The following MAP3K2 variants were observed in gnomAD, a reference collection of about 807,000 sequenced individuals.
The protein encoded by MAP3K2 is mitogen-activated protein kinase kinase kinase 2.
A neutral mutation model predicts 80.3 loss-of-function variants in MAP3K2; 24 were observed. The ratio of observed to expected loss-of-function variants is 0.30; its 90% CI spans 0.22 to 0.42. The LOEUF (loss-of-function observed/expected upper bound fraction) is 0.42, where lower values mean the gene tolerates loss of function less well. MAP3K2 is among the 10% of genes least tolerant of loss of function. The pLI is 1.00. For missense variants in MAP3K2, 608 were observed against 750.1 expected, an observed-to-expected ratio of 0.81 and a Z score of 2.21; for synonymous variants, 244 against 253.7, an observed-to-expected ratio of 0.96 and a Z score of 0.36.
In MAP3K2 at chr2:127,307,308, A is replaced by G. The variant is rs530287683; in HGVS notation, c.*271T>C. ...GTACTAAAAAGAGTGACTATGTACT[A>G]AAGTGCTTTATCTCTCTGAACCACA... On this transcript the variant is annotated 3_prime_UTR_variant, in exon 17 of 17. Coordinates refer to ENST00000682094, the MANE Select transcript of MAP3K2 (RefSeq NM_001371910.2). The surrounding 1 kb of genome is among the most constrained non-coding windows in gnomAD (Gnocchi z 5.4). 12 of 209,788 alleles carry G rather than the reference A, an allele frequency of 5.7e-5. No individual in the cohort carries two copies. In the East Asian group the frequency reaches 1.1e-3, roughly 20 times the overall value. 13.0% of individuals were successfully genotyped at this position (209,788 alleles called of 1,614,324 possible). A position where few individuals can be genotyped will look rare whatever the true frequency, so the allele number is the denominator to read the frequency against.
rs1406122210 is a variant in MAP3K2, at chr2:127,310,774, T to C, written c.1457-2012A>G. On this transcript the variant is annotated intron_variant, in intron 15 of 16. Transcript: ENST00000682094. The surrounding 1 kb of genome is among the most constrained non-coding windows in gnomAD (Gnocchi z 4.8). ...GGATTATAAATCTAGTTTCCGTCTT[T>C]TATAAATCATTTCTCTTCTCATTTT... Among the ~76,000 whole-genome samples, 3 of 152,154 alleles carry C rather than the reference T, an allele frequency of 2.0e-5. No individual in the cohort carries two copies. Among genetic ancestry groups the C allele is most frequent in the East Asian group, 3.8e-4 (2 of 5,202 alleles).
chr2:127,338,093 T>C (rs1686407576), intron 3 of MAP3K2, among the ~76,000 whole-genome samples: 2 of 152,212 alleles, frequency 1.3e-5, no homozygotes, highest in African/African-American at 4.8e-5. Flanking sequence ...TGTGTCATGC[T>C]GAGTATCCAA....
chr2:127,332,382 AAAC>A (rs970872979), intron 5 of MAP3K2, among the ~76,000 whole-genome samples: 52 of 152,220 alleles, frequency 3.4e-4, no homozygotes, highest in African/African-American at 1.2e-3. Flanking sequence ...TTTTGGGGGA[AAAC>A]AACACTAAGT....
At chr2:127,314,220 G>T (rs1194850430) in intron 15 of MAP3K2, among the ~76,000 whole-genome samples, 1 of 152,032 alleles carries the variant, frequency 6.6e-6, no homozygotes, top group Non-Finnish European at 1.5e-5. Context: ...CTCAGTTTGG[G>T]GCTCTTTTCT....
intron 1 of MAP3K2, among the ~76,000 whole-genome samples, chr2:127,351,888 CTTTTTT>C (rs1361459390): frequency 6.8e-6 from 1 of 146,988 alleles, no homozygotes; most frequent in Non-Finnish European, 1.5e-5. Flanking sequence ...TTTTTTTTTT[CTTTTTT>C]GAGACAGGGT....
At position 127,324,171 on chromosome 2, in the gene MAP3K2, A is replaced by AAG. The variant is rs1449458076; in HGVS notation, c.745+2_745+3insCT. On this transcript the variant is annotated splice_region_variant and intron_variant, in intron 10 of 16. Transcript: ENST00000682094. ...TAAACATTTAGAATTTATAAAGTCT[A>AAG]ACCTGAAAATTCCTGATGATTATCT... is the stretch of plus-strand genomic sequence containing the variant. 7.8e-6 allele frequency: 12 copies of AAG among 1,537,048 alleles called. No individual in the cohort carries two copies. Among genetic ancestry groups the AAG allele is most frequent in the Non-Finnish European group, 1.1e-5 (12 of 1,139,108 alleles).
At chr2:127,328,982 CAAT>C (rs1686197740) in intron 7 of MAP3K2, among the ~76,000 whole-genome samples, 1 of 152,068 alleles carries the variant, frequency 6.6e-6, no homozygotes, top group African/African-American at 2.4e-5. Flanking sequence ...TTTTTTGAAA[CAAT>C]GTTAATGCTT....
At chr2:127,388,168 G>A, upstream of MAP3K2, 1 of 984,986 alleles carries the variant, frequency 1.0e-6, no homozygotes. Context: ...CCCAGTCCTG[G>A]CTCCGCCCCG....
rs551066996 is a variant in MAP3K2, at chr2:127,343,318, T to A, written c.-65-124A>T. 182 of 514,694 alleles carry A rather than the reference T, an allele frequency of 3.5e-4. 5 individuals are homozygous for A. The South Asian group carries it at 5.0e-3, about 14-fold the overall frequency. The allele number at this position is 514,694 out of a possible 1,614,324, so 31.9% of individuals were successfully genotyped here. A position where few individuals can be genotyped will look rare whatever the true frequency, so the allele number is the denominator to read the frequency against. ...TATACAATATGAATACTTTACACAT[T>A]TCGCTAGGGGGAGGTGTTTTATATT... On this transcript the variant is annotated intron_variant, in intron 1 of 16. Transcript: ENST00000682094.
chr2:127,337,394 C>T (rs1436661743), intron 4 of MAP3K2, among the ~76,000 whole-genome samples: 2 of 152,008 alleles, frequency 1.3e-5, no homozygotes, highest in Non-Finnish European at 2.9e-5. Context: ...TATATAAATG[C>T]TATATAGTAT....
chr2:127,342,647 C>A (rs1355672515), intron 2 of MAP3K2, among the ~76,000 whole-genome samples: 1 of 147,978 alleles, frequency 6.8e-6, no homozygotes, highest in Non-Finnish European at 1.5e-5. Context: ...ACCCTTAACA[C>A]AAAGGAGAAA....
intron 1 of MAP3K2, among the ~76,000 whole-genome samples, chr2:127,344,662 G>A (rs1449974315): frequency 2.0e-5 from 3 of 151,870 alleles, no homozygotes; most frequent in Non-Finnish European, 2.9e-5. Flanking sequence ...ACCCTGTCTC[G>A]AAAACATTTA....
chr2:127,314,896 A>C lies in MAP3K2; in HGVS notation c.1327-13T>G, dbSNP rs1685872399. 1.9e-6 allele frequency: 3 copies of C among 1,581,040 alleles called. No homozygotes were observed. In the African/African-American group the frequency reaches 4.1e-5, roughly 21 times the overall value. ...CCTTAATTGAACCCTAGGAGAAAAG[A>C]AAACAAAAATAAAAACTACTGTATA... On this transcript the variant is annotated splice_polypyrimidine_tract_variant and intron_variant, in intron 14 of 16. Coordinates refer to ENST00000682094, the MANE Select transcript of MAP3K2 (RefSeq NM_001371910.2).
intron 1 of MAP3K2, among the ~76,000 whole-genome samples, chr2:127,370,806 A>AAGGGG: frequency 6.6e-6 from 1 of 152,158 alleles, no homozygotes; most frequent in Non-Finnish European, 1.5e-5. Context: ...AGAGCCTAAA[A>AAGGGG]AGGGGAGGGA....
intron 12 of MAP3K2, among the ~76,000 whole-genome samples, chr2:127,318,582 A>G (rs1685953492): frequency 6.6e-6 from 1 of 152,186 alleles, no homozygotes; most frequent in African/African-American, 2.4e-5. Flanking sequence ...ATGTGACAGC[A>G]TCTTTCTTTC....
rs1380877442 is a variant in MAP3K2 at position 127,330,489 on chromosome 2, G to C, written c.281C>G (p.Thr94Ser). Residue 94 changes from threonine (T) to serine (S), a missense_variant, in exon 6 of 17, where the codon ACT (threonine) becomes AGT (serine). By Grantham distance (58) the Thr-to-Ser change is moderately conservative. Coordinates refer to ENST00000682094, the MANE Select transcript of MAP3K2 (RefSeq NM_001371910.2). ...YTNNELVIPL[T>S]TQDDLDKAVE... ...AGCTTTGTCCAAGTCATCTTGAGTA[G>C]TTAATGGAATTACCAACTAAAAACA... 3.8e-6 allele frequency: 6 copies of C among 1,596,408 alleles called. No individual in the cohort carries two copies. Among genetic ancestry groups the C allele is most frequent in the Non-Finnish European group, 5.1e-6 (6 of 1,167,712 alleles).
chr2:127,381,646 G>C (rs1208194190), intron 1 of MAP3K2, among the ~76,000 whole-genome samples: 1 of 152,186 alleles, frequency 6.6e-6, no homozygotes, highest in African/African-American at 2.4e-5. Context: ...GCATTACAGT[G>C]CTAATTTATC....
intron 1 of MAP3K2, among the ~76,000 whole-genome samples, chr2:127,383,950 C>T (rs1015199384): frequency 2.0e-5 from 3 of 151,384 alleles, no homozygotes; most frequent in East Asian, 1.9e-4. Flanking sequence ...CTCTGCTCAC[C>T]GCAAGCTCCA....
In MAP3K2 at chr2:127,350,656, A is replaced by G. The variant is rs190186625; in HGVS notation, c.-65-7462T>C. ...TAATTCAACCAAGAAAAATCAACAA[A>G]TGCTAAAGCTAGTGGATGAAAAGTG... On this transcript the variant is annotated intron_variant, in intron 1 of 16. Transcript: ENST00000682094. Among the ~76,000 whole-genome samples the G allele has an allele frequency of 7.6e-4, 116 of 152,152 alleles. 1 individual carries two copies. Among genetic ancestry groups the G allele is most frequent in the Admixed American group, 7.4e-3 (113 of 15,278 alleles).
Sources: allele counts gnomAD v4.1 joint callset (sites outside exome capture counted in the v4.1 genomes callset), GRCh38; gene constraint gnomAD v4.1.1; non-coding constraint Gnocchi (gnomAD v3.1); transcripts MANE v1.5; gene names NCBI Gene and HGNC (gene_info 2026-07-23, HGNC 2026-07-21).